The following CACNB4 variants were observed in gnomAD, a reference collection of about 807,000 sequenced individuals.
CACNB4 encodes the protein calcium voltage-gated channel auxiliary subunit beta 4, also known as voltage-dependent L-type calcium channel subunit beta-4.
In CACNB4, 32 loss-of-function variants were observed where a neutral mutation model predicts 71.2. The ratio of observed to expected loss-of-function variants is 0.45; its 90% CI spans 0.34 to 0.60. The LOEUF is 0.60. CACNB4 is among the 20% of genes least tolerant of loss of function. The pLI, the probability that CACNB4 is intolerant of heterozygous loss-of-function variation, is 0.01. For missense variants in CACNB4, 464 were observed against 647.9 expected (o/e 0.72, Z 3.08); for synonymous variants, 231 against 236.9 (o/e 0.97, Z 0.23).
intron 12 of CACNB4, among the ~76,000 whole-genome samples, chr2:151,848,042 A>T (rs1247721459): frequency 6.6e-6 from 1 of 152,206 alleles, no homozygotes; most frequent in African/African-American, 2.4e-5. Flanking sequence ...CTTGATGTGA[A>T]CCCAAACATG....
chr2:152,015,643 G>T (rs554934956), intron 2 of CACNB4, among the ~76,000 whole-genome samples: 1 of 152,350 alleles, frequency 6.6e-6, no homozygotes, highest in Admixed American at 6.5e-5. Context: ...AGAGTCAGTA[G>T]TTGCTTCATT....
intron 2 of CACNB4, among the ~76,000 whole-genome samples, chr2:152,027,575 C>T (rs999969849): frequency 2.0e-5 from 3 of 152,162 alleles, no homozygotes; most frequent in African/African-American, 7.2e-5. Context: ...ACCACACAAG[C>T]TTTGGCCCCA....
At chr2:152,091,380 G>A (rs1197468261) in intron 2 of CACNB4, among the ~76,000 whole-genome samples, 1 of 152,214 alleles carries the variant, frequency 6.6e-6, no homozygotes, top group Non-Finnish European at 1.5e-5. Context: ...CAACTTTGCA[G>A]ATGAAAATGA....
At chr2:152,037,499 T>C (rs1033824423) in intron 2 of CACNB4, among the ~76,000 whole-genome samples, 15 of 152,228 alleles carry the variant, frequency 9.9e-5, no homozygotes, top group African/African-American at 3.1e-4. Context: ...TGCTTACGTA[T>C]CTGACTTGTT....
In CACNB4 at chr2:152,073,627, A is replaced by G. The variant is rs79199481; in HGVS notation, c.147+24703T>C. Among the ~76,000 whole-genome samples the G allele has an allele frequency of 9.0e-3, 1,373 of 152,366 alleles. 8 individuals are homozygous for G. The highest frequency in any genetic ancestry group is 0.015 in the Non-Finnish European group (1,025 of 68,038). On this transcript the variant is annotated intron_variant, in intron 2 of 13. Transcript: ENST00000539935. ...TTAAGGGATTGGAAAACAGTGCAGG[A>G]TAATGAAAACAATCTACAAAAATAA...
intron 6 of CACNB4, 26 bp downstream of exon 6, chr2:151,872,391 A>T (rs1359350370): frequency 7.3e-7 from 1 of 1,373,954 alleles, no homozygotes; most frequent in Non-Finnish European, 1.0e-6. Context: ...ACAGTGTATG[A>T]AAAAGAGTTT....
intron 2 of CACNB4, among the ~76,000 whole-genome samples, chr2:152,015,410 C>A (rs1254938858): frequency 6.6e-6 from 1 of 152,164 alleles, no homozygotes; most frequent in East Asian, 1.9e-4. Flanking sequence ...GGATTACAGG[C>A]GTGAGCCACC....
At chr2:151,961,804 T>C (rs2099869725) in intron 2 of CACNB4, among the ~76,000 whole-genome samples, 1 of 151,960 alleles carries the variant, frequency 6.6e-6, no homozygotes. Context: ...GGTGGGAGGA[T>C]CACTTCAGCC....
chr2:151,860,544 C>T (rs1309987864), intron 10 of CACNB4, 167 bp downstream of exon 10: 1 of 637,590 alleles, frequency 1.6e-6, no homozygotes, highest in Non-Finnish European at 2.8e-6. Context: ...GCTCTCGCTA[C>T]TGCAAGACTC....
chr2:152,077,507 C>T (rs1031293730), intron 2 of CACNB4, among the ~76,000 whole-genome samples: 2 of 152,104 alleles, frequency 1.3e-5, no homozygotes, highest in Non-Finnish European at 2.9e-5. Flanking sequence ...AAGCCAAGAT[C>T]GCGCCACTGC....
At chr2:152,012,130 C>A (rs1683088612) in intron 2 of CACNB4, among the ~76,000 whole-genome samples, 1 of 151,218 alleles carries the variant, frequency 6.6e-6, no homozygotes, top group African/African-American at 2.4e-5. Flanking sequence ...TGTAAAACAG[C>A]CTCAGGCAGG....
chr2:152,087,308 T>C (rs1169709055), intron 2 of CACNB4, among the ~76,000 whole-genome samples: 1 of 151,396 alleles, frequency 6.6e-6, no homozygotes, highest in Non-Finnish European at 1.5e-5. Context: ...GGCACGTACC[T>C]GTAATCCCAG....
At chr2:151,997,655 A>G (rs1307449225) in intron 2 of CACNB4, among the ~76,000 whole-genome samples, 3 of 152,206 alleles carry the variant, frequency 2.0e-5, no homozygotes, top group Admixed American at 6.5e-5. Context: ...GCTAACGGCC[A>G]CCAGACGCTG....
chr2:151,998,315 C>CAAAAAAAAAAAAAAAAAAAAAAAAAAA (rs70974815), intron 2 of CACNB4, among the ~76,000 whole-genome samples: 1 of 110,720 alleles, frequency 9.0e-6, no homozygotes, highest in African/African-American at 4.0e-5. Flanking sequence ...ACTCCATCTC[C>CAAAAAAAAAAAAAAAAAAAAAAAAAAA]AAAAAAAAAA....
Position 151,839,115 on chromosome 2 carries a change from A to C in CACNB4, c.*4T>G. 1 of 1,602,248 alleles carries C rather than the reference A, an allele frequency of 6.2e-7. No homozygotes were observed. Among genetic ancestry groups the C allele is most frequent in the Non-Finnish European group, 8.5e-7 (1 of 1,172,592 alleles). ...ACAGATGAATATTTTTTGTTTCATT[A>C]GACTCAAAGCCTATGTCGGGAGTCA... On this transcript the variant is annotated 3_prime_UTR_variant, in exon 14 of 14. Transcript: ENST00000539935.
intron 2 of CACNB4, among the ~76,000 whole-genome samples, chr2:151,965,624 T>C (rs1223143390): frequency 6.6e-6 from 1 of 152,224 alleles, no homozygotes; most frequent in East Asian, 1.9e-4. Flanking sequence ...TCTGGTAGTG[T>C]AGAGCTCAGA....
intron 9 of CACNB4, chr2:151,867,545 G>A (rs2099843472): frequency 6.6e-6 from 1 of 152,124 alleles, no homozygotes; most frequent in African/African-American, 2.4e-5. Flanking sequence ...TATTTTCTTT[G>A]AAGCTACTTC....
At chr2:151,869,968 C>T (rs1407953300) in intron 8 of CACNB4, 12 of 499,148 alleles carry the variant, frequency 2.4e-5, no homozygotes, top group African/African-American at 9.7e-5. Context: ...ACATCTGAAA[C>T]GAAGTCTCTA....
chr2:152,003,875 G>T, intron 2 of CACNB4, among the ~76,000 whole-genome samples: 1 of 151,816 alleles, frequency 6.6e-6, no homozygotes. Context: ...AACAAACATG[G>T]TCTCTGTCAC....
Sources: allele counts gnomAD v4.1 joint callset (sites outside exome capture counted in the v4.1 genomes callset), GRCh38; gene constraint gnomAD v4.1.1; transcripts MANE v1.5; gene names NCBI Gene and HGNC (gene_info 2026-07-23, HGNC 2026-07-21).